The following DYSF variants were observed in gnomAD, a reference collection of about 807,000 sequenced individuals.
DYSF encodes dysferlin, also known as dystrophy-associated fer-1-like 1.
Under a neutral mutation model 274.9 loss-of-function variants are expected in DYSF, and 212 were observed. The observed-to-expected ratio is 0.77, with a 90% CI of 0.69 to 0.86. The LOEUF (loss-of-function observed/expected upper bound fraction) is 0.86. Among genes scored for constraint, DYSF ranks in the 40% least tolerant of loss-of-function variants. The pLI, the probability that DYSF is intolerant of heterozygous loss-of-function variation, is 0.00. For synonymous variants in DYSF, 1,091 were observed against 1,078.7 expected, an observed-to-expected ratio of 1.01 and a Z score of -0.22; for missense variants, 2,666 against 2,783.2, an observed-to-expected ratio of 0.96 and a Z score of 0.95.
intron 1 of DYSF, among the ~76,000 whole-genome samples, chr2:71,471,396 G>T (rs1319459191): frequency 3.3e-5 from 5 of 152,122 alleles, no homozygotes; most frequent in Admixed American, 2.0e-4. Context: ...TTGCCACAGG[G>T]GTTGGGGGCA....
At chr2:71,611,660 G>A in intron 38 of DYSF, 34 bp downstream of exon 38, 2 of 1,607,772 alleles carry the variant, frequency 1.2e-6, no homozygotes, top group Non-Finnish European at 1.7e-6. Context: ...CCCTTCCAGA[G>A]TCCTGGGGCT....
chr2:71,513,154 GTT>G, intron 5 of DYSF, 84 bp from the exon 6 acceptor site: 2 of 1,311,668 alleles, frequency 1.5e-6, no homozygotes, highest in Non-Finnish European at 2.2e-6. Context: ...GGAAGGCAGG[GTT>G]GGGGATGGAG....
At chr2:71,550,379 C>A (rs2090845036) in intron 17 of DYSF, among the ~76,000 whole-genome samples, 1 of 151,784 alleles carries the variant, frequency 6.6e-6, no homozygotes, top group African/African-American at 2.4e-5. Flanking sequence ...TCTCCTCTGA[C>A]CTGCTCTGTT....
intron 30 of DYSF, among the ~76,000 whole-genome samples, chr2:71,575,436 G>A (rs1558516576): frequency 1.3e-5 from 2 of 152,180 alleles, no homozygotes; most frequent in South Asian, 4.1e-4. Context: ...AGGGGAGGCT[G>A]AGGGGAGATA....
intron 1 of DYSF, among the ~76,000 whole-genome samples, chr2:71,472,920 T>C (rs1043218389): frequency 6.6e-6 from 1 of 152,380 alleles, no homozygotes; most frequent in South Asian, 2.1e-4. Flanking sequence ...TTTTCTTTAA[T>C]TGGCAAGTAA....
At chr2:71,513,426 G>A in intron 6 of DYSF, 94 bp downstream of exon 6, 1 of 1,337,328 alleles carries the variant, frequency 7.5e-7, no homozygotes, top group Non-Finnish European at 1.0e-6. Context: ...GGGCCAGGTG[G>A]CAGAGGACTC....
At chr2:71,608,642 G>C (rs577214042) in intron 36 of DYSF, among the ~76,000 whole-genome samples, 32 of 152,262 alleles carry the variant, frequency 2.1e-4, no homozygotes, top group Admixed American at 7.8e-4. Flanking sequence ...CCTTCTCCAG[G>C]TTCTTGTTCC....
chr2:71,639,749 A>T (rs962144757), intron 41 of DYSF, among the ~76,000 whole-genome samples: 7 of 152,208 alleles, frequency 4.6e-5, no homozygotes, highest in Non-Finnish European at 8.8e-5. Context: ...TTCTGGAATA[A>T]GATTGCTGTG....
At position 71,664,366 on chromosome 2, in the gene DYSF, C is replaced by T. The variant is rs143059463; in HGVS notation, c.5102C>T (p.Thr1701Met). 5.6e-5 allele frequency: 90 copies of T among 1,614,188 alleles called. 1 individual carries two copies. Among genetic ancestry groups the T allele is most frequent in the African/African-American group, 4.1e-4 (31 of 75,036 alleles). The stretch of plus-strand genomic sequence containing the variant: ...TCCAAGGACGAAAAGATCGGTGAGA[C>T]GGTCGTCGACCTGGAGAACAGGCTG... Reference protein sequence around the residue: ...LLSKDEKIGETVVDLENRLLS... With the variant: ...LLSKDEKIGEMVVDLENRLLS... The change falls in exon 46 of 56, where the codon ACG becomes ATG. Residue 1701 changes from threonine (T) to methionine (M), a missense_variant. Thr to Met is a moderately conservative substitution (Grantham distance 81). Transcript: ENST00000410020.
chr2:71,637,402 A>G (rs2094421835), intron 41 of DYSF, among the ~76,000 whole-genome samples: 1 of 152,152 alleles, frequency 6.6e-6, no homozygotes, highest in Admixed American at 6.5e-5. Context: ...GGCTTGGGGA[A>G]GTCTCTTCTG....
At chr2:71,549,364 GC>G in intron 17 of DYSF, 1 of 1,612,808 alleles carries the variant, frequency 6.2e-7, no homozygotes, top group Non-Finnish European at 8.5e-7. Flanking sequence ...GCCTGCAGGT[GC>G]TGTCAAGCCT....
chr2:71,624,744 T>C (rs2094176455), intron 41 of DYSF, among the ~76,000 whole-genome samples: 1 of 152,200 alleles, frequency 6.6e-6, no homozygotes, highest in African/African-American at 2.4e-5. Context: ...CATCATTTTT[T>C]CTCTAAAATG....
intron 22 of DYSF, among the ~76,000 whole-genome samples, chr2:71,558,919 G>A (rs1381115848): frequency 2.0e-5 from 3 of 152,120 alleles, no homozygotes; most frequent in African/African-American, 7.2e-5. Flanking sequence ...ACCTCTCACT[G>A]CAGTGCTGAG....
rs1394787839 is a variant in DYSF at position 71,561,685 on chromosome 2, T to A, written c.2217-67T>A. The A allele has an allele frequency of 1.5e-5, 24 of 1,593,282 alleles. 1 individual carries two copies. The Admixed American group carries it at 3.5e-4, about 23-fold the overall frequency. On this transcript the variant is annotated intron_variant, in intron 22 of 55. Transcript: ENST00000410020. Reference sequence around the variant, plus strand: ...GGGCCTGCTGTGAGAACCTGGCACATGTGCATGCCTGGACCTGGGAGAGCC... The same window carrying A: ...GGGCCTGCTGTGAGAACCTGGCACAAGTGCATGCCTGGACCTGGGAGAGCC...
intron 42 of DYSF, among the ~76,000 whole-genome samples, chr2:71,651,654 C>T (rs1294872265): frequency 2.0e-5 from 3 of 151,996 alleles, no homozygotes; most frequent in Non-Finnish European, 4.4e-5. Flanking sequence ...TAGAAAACCT[C>T]GATTTTTATA....
At chr2:71,587,895 T>C (rs1284576175) in intron 30 of DYSF, among the ~76,000 whole-genome samples, 1 of 152,126 alleles carries the variant, frequency 6.6e-6, no homozygotes, top group Non-Finnish European at 1.5e-5. Context: ...CCTGGGAGAA[T>C]AGAGGGACTC....
Position 71,665,278 on chromosome 2 carries a change from A to G in DYSF, c.5291A>G (p.Asp1764Gly), listed in dbSNP as rs2152951845. Reference sequence around the variant, plus strand: ...CGGACAGACCGTGTAATGTTTCAGGATAAAGAATATTCCATTGAAGAGATA... The same window carrying G: ...CGGACAGACCGTGTAATGTTTCAGGGTAAAGAATATTCCATTGAAGAGATA... ...VYRTDRVMFQ[D>G]KEYSIEEIEA... The change falls in exon 47 of 56, where the codon GAT becomes GGT. Residue 1764 changes from aspartate (D) to glycine (G), a missense_variant. Around this residue, in one of 3 missense-constraint regions of DYSF, gnomAD observed 1,460 missense variants for 1,502.1 expected, o/e 0.97. Transcript: ENST00000410020. 5 of 1,614,148 alleles carry G rather than the reference A, an allele frequency of 3.1e-6. No homozygotes were observed. Among genetic ancestry groups the G allele is most frequent in the South Asian group, 1.1e-5 (1 of 91,084 alleles).
At chr2:71,498,392 A>G (rs1455359801) in intron 3 of DYSF, among the ~76,000 whole-genome samples, 1 of 152,224 alleles carries the variant, frequency 6.6e-6, no homozygotes, top group East Asian at 1.9e-4. Flanking sequence ...CAGGAAGTTG[A>G]GGCTGTCCTC....
Position 71,681,085 on chromosome 2 carries a change from A to G in DYSF, c.6148A>G (p.Met2050Val), listed in dbSNP as rs758523519. ...TGGCCAGGGCCGGGATGAGCCCAAC[A>G]TGAACCCTAAGCTTGAGGACCCAAG... is the stretch of plus-strand genomic sequence containing the variant. ...PAGQGRDEPN[M>V]NPKLEDPRRP... is the part of the protein sequence containing the mutation. Residue 2050 changes from methionine (M) to valine (V), a missense_variant, in exon 54 of 56, where the codon ATG (methionine) becomes GTG (valine). By Grantham distance (21) the Met-to-Val change is conservative. This residue lies in a region of DYSF where 1,460 missense variants were observed against 1,502.1 expected (regional missense o/e 0.97). Coordinates refer to ENST00000410020, the MANE Select transcript of DYSF (RefSeq NM_001130987.2). The G allele has an allele frequency of 7.4e-6, 12 of 1,614,070 alleles. No homozygotes were observed. In the Admixed American group the frequency reaches 1.2e-4, roughly 16 times the overall value.
Sources: allele counts gnomAD v4.1 joint callset (sites outside exome capture counted in the v4.1 genomes callset), GRCh38; gene constraint gnomAD v4.1.1; regional missense constraint gnomAD v4.1.1; transcripts MANE v1.5; gene names NCBI Gene and HGNC (gene_info 2026-07-23, HGNC 2026-07-21).